Variants in ACACB observed in about 807,000 individuals in gnomAD.
ACACB encodes the protein acetyl-CoA carboxylase beta.
A neutral mutation model predicts 278.8 loss-of-function variants in ACACB; 209 were observed. The ratio of observed to expected loss-of-function variants is 0.75; its 90% CI spans 0.67 to 0.84. The LOEUF (loss-of-function observed/expected upper bound fraction) is 0.84. ACACB is among the 40% of genes least tolerant of loss of function. The probability of loss-of-function intolerance (pLI) is 0.00; values close to 1 mark genes in which losing one functional copy is unlikely to be tolerated. For missense variants in ACACB, 2,850 were observed against 3,269.0 expected (o/e 0.87, Z 3.13); for synonymous variants, 1,174 against 1,285.6 (o/e 0.91, Z 1.86).
chr12:109,199,004 G>A (rs1235069969), intron 17 of ACACB, among the ~76,000 whole-genome samples: 2 of 151,940 alleles, frequency 1.3e-5, no homozygotes, highest in African/African-American at 4.8e-5. Flanking sequence ...TGGCTAACAT[G>A]GTGAAACCCC....
In ACACB at chr12:109,249,843, C is replaced by G. The variant is rs1007859481; in HGVS notation, c.5670-141C>G. On this transcript the variant is annotated intron_variant, in intron 40 of 52. Coordinates refer to ENST00000338432, the MANE Select transcript of ACACB (RefSeq NM_001093.4). ...GCACTCATTTTGAGGGTTCTAGATG[C>G]CAATTTCATTTTGCCTCTGGATGCT... The G allele has an allele frequency of 2.9e-5, 32 of 1,101,224 alleles. No individual in the cohort carries two copies. The Admixed American group carries it at 6.4e-4, about 22-fold the overall frequency. The allele number at this position is 1,101,224 out of a possible 1,614,324, so 68.2% of individuals were successfully genotyped here. A position where few individuals can be genotyped will look rare whatever the true frequency, so the allele number is the denominator to read the frequency against.
chr12:109,264,985 G>A, intron 50 of ACACB, 125 bp from the exon 51 acceptor site: 1 of 1,102,474 alleles, frequency 9.1e-7, no homozygotes, highest in Non-Finnish European at 1.3e-6. Context: ...ACTTGCCTGG[G>A]ATGATCTGGG....
chr12:109,240,955 A>T, intron 35 of ACACB, 123 bp from the exon 36 acceptor site: 1 of 850,278 alleles, frequency 1.2e-6, no homozygotes, highest in Non-Finnish European at 1.9e-6. Context: ...TTTGTTGGAT[A>T]CACACTATGT....
chr12:109,234,119 C>A, intron 31 of ACACB, 74 bp downstream of exon 31: 1 of 1,286,702 alleles, frequency 7.8e-7, no homozygotes, highest in Non-Finnish European at 1.1e-6. Flanking sequence ...TCGAGGCGGC[C>A]CTTGGGGAGG....
chr12:109,171,950 G>A, intron 5 of ACACB, 36 bp downstream of exon 5: 2 of 1,541,152 alleles, frequency 1.3e-6, no homozygotes, highest in Non-Finnish European at 1.8e-6. Flanking sequence ...TGGCCCCTGA[G>A]TGTGGGATGA....
chr12:109,192,874 C>G (rs73191123), intron 15 of ACACB, among the ~76,000 whole-genome samples: 8,233 of 152,220 alleles, frequency 0.054, 454 homozygotes, highest in African/African-American at 0.15. Context: ...TGTTGCCCCC[C>G]AGGCTGGTCT....
At chr12:109,211,006 A>T (rs1213614459) in intron 21 of ACACB, among the ~76,000 whole-genome samples, 1 of 150,926 alleles carries the variant, frequency 6.6e-6, no homozygotes, top group Non-Finnish European at 1.5e-5. Context: ...TCTGTTATTT[A>T]CACATCGGCC....
intron 11 of ACACB, among the ~76,000 whole-genome samples, chr12:109,180,786 G>T (rs73191114): frequency 0.013 from 2,013 of 152,118 alleles, 18 homozygotes; most frequent in Non-Finnish European, 0.018. Flanking sequence ...TCCCCCTCCA[G>T]CGTTTATCCT....
rs780615914 is a variant in ACACB, at chr12:109,232,842, A to G, written c.4139+36A>G. 4 of 1,612,018 alleles carry G rather than the reference A, an allele frequency of 2.5e-6. No individual in the cohort carries two copies. In the Admixed American group the frequency reaches 5.0e-5, roughly 20 times the overall value. Reference sequence around the variant, plus strand: ...TGGCCCGGTCTCCAACACCCTGAGCATGGGGGCTGGGCAGACTTCCCTTGA... The same window carrying G: ...TGGCCCGGTCTCCAACACCCTGAGCGTGGGGGCTGGGCAGACTTCCCTTGA... On this transcript the variant is annotated intron_variant, in intron 29 of 52. Transcript: ENST00000338432.
chr12:109,180,590 T>C (rs1366914567), intron 11 of ACACB, among the ~76,000 whole-genome samples: 1 of 152,138 alleles, frequency 6.6e-6, no homozygotes, highest in African/African-American at 2.4e-5. Context: ...TTAATTTTGA[T>C]GGGTATATAG....
chr12:109,229,658 T>A (rs2046413331), intron 28 of ACACB, among the ~76,000 whole-genome samples: 1 of 152,078 alleles, frequency 6.6e-6, no homozygotes, highest in African/African-American at 2.4e-5. Context: ...GCCTCCTGAG[T>A]AGCTGGGACC....
chr12:109,157,044 C>T (rs965879040), intron 2 of ACACB, among the ~76,000 whole-genome samples: 5 of 151,902 alleles, frequency 3.3e-5, no homozygotes, highest in Admixed American at 3.3e-4. Context: ...TTGGAATTGT[C>T]CCAGCAAGTC....
chr12:109,115,653 G>A (rs994921605), upstream of ACACB, among the ~76,000 whole-genome samples: 7 of 152,252 alleles, frequency 4.6e-5, no homozygotes, highest in South Asian at 8.3e-4. Context: ...GAGGTTTCCA[G>A]AGCACATGCT....
chr12:109,139,590 G>C lies in ACACB; in HGVS notation c.185G>C (p.Gly62Ala), dbSNP rs769849813. 1.9e-6 allele frequency: 3 copies of C among 1,613,902 alleles called. No individual in the cohort carries two copies. The highest frequency in any genetic ancestry group is 2.7e-5 in the African/African-American group (2 of 74,872). ...DNSGETPQRN[G>A]EGHTLPKTPS... The stretch of plus-strand genomic sequence containing the variant: ...TCAGGGGAGACACCGCAGAGAAATG[G>C]GGAGGGCCACACTCTGCCCAAGACA... The change falls in exon 2 of 53, where the codon GGG becomes GCG. Residue 62 changes from glycine (G) to alanine (A), a missense_variant. By Grantham distance (60) the Gly-to-Ala change is moderately conservative. This residue lies in a region of ACACB where 2,265 missense variants were observed against 2,561.3 expected (regional missense o/e 0.88). Coordinates refer to ENST00000338432, the MANE Select transcript of ACACB (RefSeq NM_001093.4).
intron 2 of ACACB, among the ~76,000 whole-genome samples, chr12:109,159,020 GCT>G (rs1212697038): frequency 2.0e-5 from 3 of 152,114 alleles, no homozygotes; most frequent in Admixed American, 6.5e-5. Context: ...AGTTAAAACC[GCT>G]CTTAGCCTGT....
chr12:109,224,000 G>C, intron 27 of ACACB, 96 bp downstream of exon 27: 2 of 1,016,858 alleles, frequency 2.0e-6, no homozygotes, highest in South Asian at 2.6e-5. Flanking sequence ...ATGCCTTGGT[G>C]AATGTGATCC....
intron 2 of ACACB, among the ~76,000 whole-genome samples, chr12:109,166,042 C>T (rs900617589): frequency 2.6e-5 from 4 of 151,956 alleles, no homozygotes; most frequent in Admixed American, 6.6e-5. Context: ...TTTGGAAGGC[C>T]GAGGTGGGAG....
At chr12:109,230,675 C>G (rs2046442677) in intron 28 of ACACB, among the ~76,000 whole-genome samples, 1 of 152,216 alleles carries the variant, frequency 6.6e-6, no homozygotes, top group Non-Finnish European at 1.5e-5. Context: ...AGTGATCCTC[C>G]TGCCTCGGCC....
chr12:109,238,324 A>G (rs1285716911), intron 34 of ACACB, among the ~76,000 whole-genome samples: 1 of 146,070 alleles, frequency 6.8e-6, no homozygotes, highest in African/African-American at 2.5e-5. Context: ...ATTTCCTTGC[A>G]TGGATGTACC....
Sources: gnomAD v4.1 joint callset for allele counts (sites outside exome capture counted in the v4.1 genomes callset) on GRCh38, gnomAD v4.1.1 for gene constraint, gnomAD v4.1.1 regional missense constraint, MANE v1.5 for transcripts, NCBI Gene and HGNC (gene_info 2026-07-23, HGNC 2026-07-21) for gene names.